The following RALGAPA2 variants were observed in gnomAD, a reference collection of about 807,000 sequenced individuals.
The protein encoded by RALGAPA2 is ral GTPase-activating protein subunit alpha-2.
A neutral mutation model predicts 230.4 loss-of-function variants in RALGAPA2; 139 were observed. The observed-to-expected ratio is 0.60, with a 90% CI of 0.53 to 0.69. RALGAPA2 has a LOEUF of 0.69. RALGAPA2 is among the 30% of genes least tolerant of loss of function. The pLI is 0.00. For missense variants in RALGAPA2, 2,163 were observed against 2,276.0 expected (o/e 0.95, Z 1.01); for synonymous variants, 847 against 837.8 (o/e 1.01, Z -0.19).
intron 37 of RALGAPA2, among the ~76,000 whole-genome samples, chr20:20,432,406 G>A (rs1384997087): frequency 2.6e-5 from 4 of 152,156 alleles, no homozygotes; most frequent in Non-Finnish European, 5.9e-5. Context: ...AGCTCGTGAC[G>A]GTGCTAACCT....
intron 3 of RALGAPA2, among the ~76,000 whole-genome samples, chr20:20,668,574 C>T (rs1049340118): frequency 6.6e-6 from 1 of 152,286 alleles, no homozygotes; most frequent in South Asian, 2.1e-4. Flanking sequence ...TTTTTACACT[C>T]TCATTAGGAA....
rs2062768469 is a variant in RALGAPA2, at chr20:20,513,263, T to C, written c.4106A>G (p.Glu1369Gly). The change falls in exon 32 of 40, where the codon GAG becomes GGG. Residue 1369 changes from glutamate to glycine, a missense_variant. Coordinates refer to ENST00000202677, the MANE Select transcript of RALGAPA2 (RefSeq NM_020343.4). Reference protein sequence around the residue: ...VEEEKKRRSLELIPLTARMVM... With the variant: ...VEEEKKRRSLGLIPLTARMVM... ...CATTCGAGCAGTCAAAGGGATCAAC[T>C]CCAAACTTCTTCTCTTCTTCTCTGT... The C allele has an allele frequency of 6.8e-7, 1 of 1,471,740 alleles. No individual in the cohort carries two copies. Among genetic ancestry groups the C allele is most frequent in the South Asian group, 1.6e-5 (1 of 62,810 alleles). 91.2% of individuals were successfully genotyped at this position (1,471,740 alleles called of 1,614,324 possible).
chr20:20,674,752 T>C (rs186821329), intron 3 of RALGAPA2, among the ~76,000 whole-genome samples: 2 of 152,336 alleles, frequency 1.3e-5, no homozygotes, highest in East Asian at 3.9e-4. Context: ...TTATGTACCA[T>C]AGGAGATCAT....
chr20:20,611,859 T>C (rs1194026649), intron 13 of RALGAPA2, among the ~76,000 whole-genome samples: 1 of 152,238 alleles, frequency 6.6e-6, no homozygotes, highest in Non-Finnish European at 1.5e-5. Flanking sequence ...GCTGACTTTC[T>C]GGCCTTTATT....
intron 3 of RALGAPA2, among the ~76,000 whole-genome samples, chr20:20,654,867 T>C (rs1346052309): frequency 6.6e-6 from 1 of 152,192 alleles, no homozygotes; most frequent in Non-Finnish European, 1.5e-5. Flanking sequence ...ACCAACAGTA[T>C]ACCAGCATTT....
At chr20:20,491,019 CAA>C (rs199557283) in intron 36 of RALGAPA2, among the ~76,000 whole-genome samples, 1 of 140,504 alleles carries the variant, frequency 7.1e-6, no homozygotes. Context: ...CAAGAGGATC[CAA>C]AAAAAAAAAG....
intron 1 of RALGAPA2, among the ~76,000 whole-genome samples, chr20:20,686,850 C>T (rs1220255700): frequency 1.3e-5 from 2 of 152,074 alleles, no homozygotes; most frequent in African/African-American, 4.8e-5. Context: ...TTCAGCAGAC[C>T]CCTAGAAAGC....
intron 3 of RALGAPA2, among the ~76,000 whole-genome samples, chr20:20,672,943 G>A (rs2068185883): frequency 6.6e-6 from 1 of 152,150 alleles, no homozygotes; most frequent in Non-Finnish European, 1.5e-5. Context: ...CCAATACTTT[G>A]GGAGGCTGAG....
chr20:20,442,596 T>C (rs1184463330), intron 37 of RALGAPA2, among the ~76,000 whole-genome samples: 1 of 152,282 alleles, frequency 6.6e-6, no homozygotes, highest in Non-Finnish European at 1.5e-5. Context: ...TGATCATTTC[T>C]GATAAACACT....
chr20:20,402,040 G>T (rs1227179490), intron 38 of RALGAPA2, among the ~76,000 whole-genome samples: 1 of 152,198 alleles, frequency 6.6e-6, no homozygotes, highest in African/African-American at 2.4e-5. Flanking sequence ...TCATTCCTGT[G>T]GGTGGGTCCC....
At chr20:20,709,140 G>A (rs1410500218) in intron 1 of RALGAPA2, among the ~76,000 whole-genome samples, 5 of 150,682 alleles carry the variant, frequency 3.3e-5, no homozygotes, top group African/African-American at 1.2e-4. Flanking sequence ...CCAACACGGT[G>A]AACCCCTGTC....
intron 10 of RALGAPA2, among the ~76,000 whole-genome samples, chr20:20,626,836 T>A (rs575277822): frequency 5.3e-5 from 8 of 152,240 alleles, no homozygotes; most frequent in Non-Finnish European, 1.2e-4. Flanking sequence ...TATCTCTGGC[T>A]GCTTTCTTGC....
intron 36 of RALGAPA2, among the ~76,000 whole-genome samples, chr20:20,489,075 T>C (rs2061985282): frequency 6.6e-6 from 1 of 152,234 alleles, no homozygotes; most frequent in South Asian, 2.1e-4. Flanking sequence ...CTGAGTAGCC[T>C]TCTTCCACTG....
intron 25 of RALGAPA2, among the ~76,000 whole-genome samples, chr20:20,536,144 T>G (rs2063493505): frequency 6.6e-6 from 1 of 152,274 alleles, no homozygotes; most frequent in Non-Finnish European, 1.5e-5. Flanking sequence ...TAATTATGTT[T>G]TATAGTTTGA....
At chr20:20,580,838 A>G (rs2064962854) in intron 20 of RALGAPA2, among the ~76,000 whole-genome samples, 2 of 152,218 alleles carry the variant, frequency 1.3e-5, no homozygotes, top group Admixed American at 1.3e-4. Flanking sequence ...AAGATTTTGG[A>G]GGCAGTTTAT....
chr20:20,609,389 C>G (rs1438859929), intron 14 of RALGAPA2, among the ~76,000 whole-genome samples: 3 of 152,234 alleles, frequency 2.0e-5, no homozygotes, highest in East Asian at 3.9e-4. Flanking sequence ...TAATCATGAA[C>G]TCAAAACTAA....
chr20:20,637,417 G>A lies in RALGAPA2; in HGVS notation c.751C>T (p.Pro251Ser). The change falls in exon 8 of 40, where the codon CCT (proline) becomes TCT (serine). Residue 251 changes from proline (P) to serine (S), a missense_variant. Pro to Ser is a moderately conservative substitution (Grantham distance 74, BLOSUM62 -1). Coordinates refer to ENST00000202677, the MANE Select transcript of RALGAPA2 (RefSeq NM_020343.4). ...LFTLFRKYYLPHLFPSFTKLT... is the reference protein window; with the variant it reads ...LFTLFRKYYLSHLFPSFTKLT... ...TTAGTAAATGATGGAAATAAATGAG[G>A]AAGATAATACTTTCGAAACAATGTA... is the stretch of plus-strand genomic sequence containing the variant. The A allele has an allele frequency of 6.3e-7, 1 of 1,586,060 alleles. No homozygotes were observed. Among genetic ancestry groups the A allele is most frequent in the Non-Finnish European group, 8.6e-7 (1 of 1,162,740 alleles).
chr20:20,661,812 C>A (rs1221490553), intron 3 of RALGAPA2, among the ~76,000 whole-genome samples: 1 of 152,132 alleles, frequency 6.6e-6, no homozygotes, highest in South Asian at 2.1e-4. Context: ...CACACACCCA[C>A]ACAAAGCAAT....
At chr20:20,461,741 A>G (rs2061306166) in intron 37 of RALGAPA2, among the ~76,000 whole-genome samples, 2 of 152,230 alleles carry the variant, frequency 1.3e-5, no homozygotes, top group African/African-American at 2.4e-5. Context: ...CTCTGCTTAT[A>G]AATTCAGAAT....
Sources: gnomAD v4.1 joint callset for allele counts (sites outside exome capture counted in the v4.1 genomes callset) on GRCh38, gnomAD v4.1.1 for gene constraint, MANE v1.5 for transcripts, NCBI Gene and HGNC (gene_info 2026-07-23, HGNC 2026-07-21) for gene names.